ANKMY1: variants seen among roughly 807,000 people sequenced by gnomAD.
ANKMY1 encodes the protein ankyrin repeat and MYND domain containing 1.
A neutral mutation model predicts 102.0 loss-of-function variants in ANKMY1; 98 were observed. The ratio of observed to expected loss-of-function variants is 0.96; its 90% CI spans 0.82 to 1.14. The LOEUF (loss-of-function observed/expected upper bound fraction) is 1.14, where lower values mean the gene tolerates loss of function less well. ANKMY1 is among the 50% of genes most tolerant of loss of function. The pLI, the probability that ANKMY1 is intolerant of heterozygous loss-of-function variation, is 0.00. For synonymous variants in ANKMY1, 582 were observed against 559.9 expected, an observed-to-expected ratio of 1.04 and a Z score of -0.56; for missense variants, 1,330 against 1,347.6, an observed-to-expected ratio of 0.99 and a Z score of 0.20.
chr2:240,524,442 A>G, intron 7 of ANKMY1, 61 bp from the exon 8 acceptor site: 1 of 1,524,982 alleles, frequency 6.6e-7, no homozygotes, highest in South Asian at 1.3e-5. Flanking sequence ...TCATTCTAGG[A>G]CCTTCTTCAG....
In ANKMY1 at chr2:240,487,934, C is replaced by T. The variant is rs138772419; in HGVS notation, c.2807-5673G>A. 6.3e-3 allele frequency among the ~76,000 whole-genome samples: 952 copies of T among 152,266 alleles called. 2 individuals are homozygous for T. The highest frequency in any genetic ancestry group is 9.6e-3 in the Non-Finnish European group (650 of 68,016). ...TTCTCCATTCACCAGGTTCTCTTCA[C>T]TATGTTGATTATTTCTTTCATTATG... On this transcript the variant is annotated intron_variant, in intron 15 of 17. Transcript: ENST00000401804.
intron 13 of ANKMY1, among the ~76,000 whole-genome samples, chr2:240,501,172 T>C (rs983081975): frequency 1.3e-5 from 2 of 151,086 alleles, no homozygotes; most frequent in Non-Finnish European, 1.5e-5. Flanking sequence ...TGTGCATGCA[T>C]GTTCATAGGT....
intron 13 of ANKMY1, among the ~76,000 whole-genome samples, chr2:240,504,803 T>C (rs888131177): frequency 6.6e-6 from 1 of 151,544 alleles, no homozygotes; most frequent in Non-Finnish European, 1.5e-5. Context: ...GGCCAGGAGT[T>C]CGAGACCAGC....
intron 4 of ANKMY1, among the ~76,000 whole-genome samples, chr2:240,534,857 C>G (rs2086342792): frequency 6.6e-6 from 1 of 152,046 alleles, no homozygotes; most frequent in South Asian, 2.1e-4. Context: ...AATCCCAGCA[C>G]TTTCGGAGGC....
At chr2:240,513,078 A>G in intron 9 of ANKMY1, 136 bp from the exon 10 acceptor site, 1 of 1,250,610 alleles carries the variant, frequency 8.0e-7, no homozygotes, top group African/African-American at 1.5e-5. Flanking sequence ...CTGCCTCACA[A>G]CGTGCAGGCT....
chr2:240,515,089 A>G (rs2080934035), intron 9 of ANKMY1, among the ~76,000 whole-genome samples: 1 of 152,240 alleles, frequency 6.6e-6, no homozygotes, highest in Non-Finnish European at 1.5e-5. Flanking sequence ...AGGTGAGCAC[A>G]TGAGATTGCA....
At chr2:240,498,358 G>A (rs2077557428) in intron 15 of ANKMY1, among the ~76,000 whole-genome samples, 2 of 152,006 alleles carry the variant, frequency 1.3e-5, no homozygotes, top group African/African-American at 4.8e-5. Flanking sequence ...GGAGGTGGGT[G>A]TGGGGTGTCC....
At chr2:240,490,889 T>G (rs1303632462) in intron 15 of ANKMY1, among the ~76,000 whole-genome samples, 2 of 152,206 alleles carry the variant, frequency 1.3e-5, no homozygotes, top group Non-Finnish European at 2.9e-5. Context: ...TTTGTTTATC[T>G]TCTGTCTAGA....
At chr2:240,521,008 C>T (rs150485586) in intron 8 of ANKMY1, among the ~76,000 whole-genome samples, 1 of 152,094 alleles carries the variant, frequency 6.6e-6, no homozygotes, top group Non-Finnish European at 1.5e-5. Context: ...CGCACACACA[C>T]CTCTGAGGGG....
chr2:240,485,057 G>A (rs35707146), intron 15 of ANKMY1, among the ~76,000 whole-genome samples: 49,318 of 152,024 alleles, frequency 0.32, 9,292 homozygotes, highest in East Asian at 0.75. Flanking sequence ...AGCCAGGCGC[G>A]GTGGCTCATG....
intron 4 of ANKMY1, among the ~76,000 whole-genome samples, chr2:240,537,226 T>C (rs1047962930): frequency 6.6e-6 from 1 of 152,082 alleles, no homozygotes; most frequent in Non-Finnish European, 1.5e-5. Flanking sequence ...TCAAGGCCTT[T>C]TGTTTTTCCT....
Position 240,512,006 on chromosome 2 carries a change from G to A in ANKMY1, c.2146-5C>T. The stretch of plus-strand genomic sequence containing the variant: ...ACTTGAGGGCAGCAGGTCCAGCTGT[G>A]TAAAACGGAGGGCTCCGCCAGCGCC... On this transcript the variant is annotated splice_polypyrimidine_tract_variant and splice_region_variant and intron_variant, in intron 10 of 17. Transcript: ENST00000401804. The A allele has an allele frequency of 6.5e-7, 1 of 1,535,340 alleles. No homozygotes were observed. Among genetic ancestry groups the A allele is most frequent in the Middle Eastern group, 1.7e-4 (1 of 5,850 alleles).
chr2:240,533,093 C>T (rs1432678071), intron 4 of ANKMY1, among the ~76,000 whole-genome samples: 3 of 152,198 alleles, frequency 2.0e-5, no homozygotes, highest in African/African-American at 4.8e-5. Flanking sequence ...AAGTTTCATA[C>T]ATTTTCCTGG....
intron 4 of ANKMY1, among the ~76,000 whole-genome samples, chr2:240,534,309 C>A (rs1482168761): frequency 6.6e-6 from 1 of 152,222 alleles, no homozygotes; most frequent in African/African-American, 2.4e-5. Context: ...GACTTTGGGT[C>A]ATAAAGCATG....
intron 11 of ANKMY1, among the ~76,000 whole-genome samples, chr2:240,511,063 A>C (rs1297605346): frequency 1.3e-5 from 2 of 151,396 alleles, no homozygotes; most frequent in Non-Finnish European, 2.9e-5. Context: ...CCTACCCTCC[A>C]AGGAGGCTCT....
At chr2:240,547,867 A>C (rs1056467248) in intron 4 of ANKMY1, among the ~76,000 whole-genome samples, 1 of 151,544 alleles carries the variant, frequency 6.6e-6, no homozygotes, top group African/African-American at 2.4e-5. Flanking sequence ...TGTGGCAATA[A>C]TCAATAGTTT....
At chr2:240,492,870 A>G (rs1021507481) in intron 15 of ANKMY1, among the ~76,000 whole-genome samples, 4 of 152,204 alleles carry the variant, frequency 2.6e-5, no homozygotes, top group East Asian at 3.9e-4. Flanking sequence ...TTTGTACTTT[A>G]GTAGAGACAA....
At chr2:240,511,371 TTTC>T (rs565812665) in intron 11 of ANKMY1, among the ~76,000 whole-genome samples, 19 of 152,318 alleles carry the variant, frequency 1.2e-4, no homozygotes, top group African/African-American at 4.6e-4. Context: ...TTGGCCTCAG[TTTC>T]CCCGCATCCA....
chr2:240,552,713 T>C (rs1338700926), intron 4 of ANKMY1: 1 of 743,158 alleles, frequency 1.3e-6, no homozygotes, highest in East Asian at 2.8e-5. Context: ...TTTGCTGGTA[T>C]CCCTCTGGGG....
Sources: gnomAD v4.1 joint callset for allele counts (sites outside exome capture counted in the v4.1 genomes callset) on GRCh38, gnomAD v4.1.1 for gene constraint, MANE v1.5 for transcripts, NCBI Gene and HGNC (gene_info 2026-07-23, HGNC 2026-07-21) for gene names.